SMCHD1: variants seen among roughly 807,000 people sequenced by gnomAD.
SMCHD1 encodes structural maintenance of chromosomes flexible hinge domain-containing protein 1.
In SMCHD1, 78 loss-of-function variants were observed where a neutral mutation model predicts 254.7. The ratio of observed to expected loss-of-function variants is 0.31; its 90% confidence interval spans 0.26 to 0.37. The LOEUF is 0.37. SMCHD1 is among the 10% of genes least tolerant of loss of function. The pLI, the probability that SMCHD1 is intolerant of heterozygous loss-of-function variation, is 1.00. For synonymous variants in SMCHD1, 766 were observed against 794.9 expected, an observed-to-expected ratio of 0.96 and a Z score of 0.61; for missense variants, 1,840 against 2,408.1, an observed-to-expected ratio of 0.76 and a Z score of 4.94.
At chr18:2,726,628 C>A in intron 22 of SMCHD1, 104 bp downstream of exon 22, 1 of 438,856 alleles carries the variant, frequency 2.3e-6, no homozygotes, top group Non-Finnish European at 3.9e-6. Flanking sequence ...TGGTGTAAAT[C>A]TTGAAAATAC....
At chr18:2,690,578 T>TC (rs150050957) in intron 7 of SMCHD1, among the ~76,000 whole-genome samples, 29,115 of 151,898 alleles carry the variant, frequency 0.19, 3,059 homozygotes, top group South Asian at 0.27. Context: ...TTGAAGCAAT[T>TC]CCCCTGCTTC....
chr18:2,699,150 T>C (rs2074345413), intron 10 of SMCHD1, among the ~76,000 whole-genome samples: 1 of 152,184 alleles, frequency 6.6e-6, no homozygotes, highest in Admixed American at 6.5e-5. Context: ...TTTGCCACTT[T>C]CTGTTGGACA....
In SMCHD1 at chr18:2,688,525, C is replaced by T. The variant is rs1224241223; in HGVS notation, c.753+17C>T. The T allele has an allele frequency of 6.2e-7, 1 of 1,603,794 alleles. No individual in the cohort carries two copies. The highest frequency in any genetic ancestry group is 8.5e-7 in the Non-Finnish European group (1 of 1,171,558). On this transcript the variant is annotated intron_variant, in intron 6 of 47. Transcript: ENST00000320876. Reference sequence around the variant, plus strand: ...TCAGCCAGAGTAAGTAAAAAGATTTCTTATAAATGAAAGTTGATCAAAATA... The same window carrying T: ...TCAGCCAGAGTAAGTAAAAAGATTTTTTATAAATGAAAGTTGATCAAAATA...
At chr18:2,746,793 T>C (rs572134996) in intron 29 of SMCHD1, among the ~76,000 whole-genome samples, 5 of 152,300 alleles carry the variant, frequency 3.3e-5, no homozygotes, top group African/African-American at 1.2e-4. Context: ...ACTTTTAAAA[T>C]GTTGGCCCAG....
At chr18:2,773,833 G>T (rs1042444621) in intron 41 of SMCHD1, among the ~76,000 whole-genome samples, 1 of 152,124 alleles carries the variant, frequency 6.6e-6, no homozygotes, top group Non-Finnish European at 1.5e-5. Flanking sequence ...TGAGGCAGAA[G>T]AATTGTTTGA....
intron 44 of SMCHD1, 129 bp downstream of exon 44, chr18:2,778,368 A>G (rs960573795): frequency 1.3e-5 from 8 of 623,736 alleles, no homozygotes; most frequent in East Asian, 8.6e-5. Flanking sequence ...GATAAGCAAC[A>G]TAAAAGTAGG....
chr18:2,754,080 T>A (rs757505377), intron 34 of SMCHD1, among the ~76,000 whole-genome samples: 32 of 152,204 alleles, frequency 2.1e-4, no homozygotes, highest in Non-Finnish European at 3.1e-4. Context: ...GATACAAGCC[T>A]TTTGTTTAGA....
At chr18:2,792,591 ATAGT>A (rs1164016514) in intron 45 of SMCHD1, among the ~76,000 whole-genome samples, 2 of 152,210 alleles carry the variant, frequency 1.3e-5, no homozygotes, top group Non-Finnish European at 2.9e-5. Context: ...ACTGTAATAC[ATAGT>A]TTGTAATCAT....
chr18:2,757,825 A>G (rs1367287342), intron 34 of SMCHD1, among the ~76,000 whole-genome samples: 2 of 152,278 alleles, frequency 1.3e-5, no homozygotes, highest in South Asian at 4.1e-4. Flanking sequence ...TAGTTTACAT[A>G]AGAGAACAAA....
At chr18:2,668,126 C>T (rs1234343706) in intron 3 of SMCHD1, among the ~76,000 whole-genome samples, 3 of 152,102 alleles carry the variant, frequency 2.0e-5, no homozygotes, top group African/African-American at 7.2e-5. Flanking sequence ...GTGATCCTCC[C>T]GCCTCGGCCT....
At chr18:2,730,569 A>G (rs117205680) in intron 24 of SMCHD1, among the ~76,000 whole-genome samples, 5,701 of 152,178 alleles carry the variant, frequency 0.037, 154 homozygotes, top group Non-Finnish European at 0.057. Flanking sequence ...GCTGTAAACA[A>G]TCTAAGGTTG....
intron 5 of SMCHD1, among the ~76,000 whole-genome samples, chr18:2,682,781 T>A (rs1285911292): frequency 6.6e-6 from 1 of 152,256 alleles, no homozygotes; most frequent in Non-Finnish European, 1.5e-5. Context: ...GGAGATTAAT[T>A]TCCTAATTCT....
rs1369545889 is a variant in SMCHD1 at position 2,802,994 on chromosome 18, G to A, written c.*442G>A. On this transcript the variant is annotated 3_prime_UTR_variant, in exon 48 of 48. Transcript: ENST00000320876. ...TTAACAAAGATGTTTTGTCTTTTGT[G>A]TAAGGGAGGTTCTAGAGGCTAGATG... 1 of 152,406 alleles carries A rather than the reference G, an allele frequency of 6.6e-6. No homozygotes were observed. The highest frequency in any genetic ancestry group is 1.9e-4 in the East Asian group (1 of 5,220). 9.4% of individuals were successfully genotyped at this position (152,406 alleles called of 1,614,324 possible). A position where few individuals can be genotyped will look rare whatever the true frequency, so the allele number is the denominator to read the frequency against.
chr18:2,752,520 T>A lies in SMCHD1; in HGVS notation c.4314T>A (p.Asp1438Glu), dbSNP rs1011114157. Reference protein sequence around the residue: ...AETFSCNKIKDNDKEDGCFYF... With the variant: ...AETFSCNKIKENDKEDGCFYF... ...CATTTAGTTGTAATAAAATAAAAGA[T>A]AATGACAAAGAAGATGGCTGCTTCT... Residue 1438 changes from aspartate to glutamate, a missense_variant, in exon 34 of 48, where the codon GAT (aspartate) becomes GAA (glutamate). This residue lies in a region of SMCHD1 where 881 missense variants were observed against 1,009.5 expected (regional missense o/e 0.87). Coordinates refer to ENST00000320876, the MANE Select transcript of SMCHD1 (RefSeq NM_015295.3). 1 of 1,598,132 alleles carries A rather than the reference T, an allele frequency of 6.3e-7. No individual in the cohort carries two copies. Among genetic ancestry groups the A allele is most frequent in the Non-Finnish European group, 8.6e-7 (1 of 1,166,154 alleles).
chr18:2,671,173 C>T (rs1419176989), intron 3 of SMCHD1, among the ~76,000 whole-genome samples: 3 of 151,836 alleles, frequency 2.0e-5, no homozygotes, highest in Non-Finnish European at 2.9e-5. Context: ...TGACTTCAGG[C>T]GATCTGCCCG....
At position 2,751,370 on chromosome 18, in the gene SMCHD1, A is replaced by T; in HGVS notation, c.4258A>T (p.Ser1420Cys). 6.4e-7 allele frequency: 1 copy of T among 1,573,910 alleles called. No homozygotes were observed. Among genetic ancestry groups the T allele is most frequent in the Admixed American group, 2.0e-5 (1 of 50,356 alleles). Residue 1420 changes from serine to cysteine, a missense_variant, in exon 33 of 48, where the codon AGT becomes TGT. Coordinates refer to ENST00000320876, the MANE Select transcript of SMCHD1 (RefSeq NM_015295.3). ...ISMKMWKLST[S>C]GNRPPANAET... ...CATGAAAATGTGGAAGCTGTCTACC[A>T]GTGGGAACCGACCCCCAGCAAATGT...
rs762833763 is a variant in SMCHD1 at position 2,769,790 on chromosome 18, C to A, written c.4816C>A (p.Pro1606Thr). ...RLPLLSRTLE[P>T]YILPFMFYND... ...ACCACTTTTATCAAGAACCTTAGAACCATATATCCTACCGTTCATGTTTTA... is the reference window on the plus strand; with the variant it reads ...ACCACTTTTATCAAGAACCTTAGAAACATATATCCTACCGTTCATGTTTTA... The change falls in exon 38 of 48, where the codon CCA becomes ACA. Residue 1606 changes from proline to threonine, a missense_variant. This residue lies in a region of SMCHD1 where 881 missense variants were observed against 1,009.5 expected (regional missense o/e 0.87). Coordinates refer to ENST00000320876, the MANE Select transcript of SMCHD1 (RefSeq NM_015295.3). 3.1e-6 allele frequency: 5 copies of A among 1,605,114 alleles called. 1 individual carries two copies. In the South Asian group the frequency reaches 3.3e-5, roughly 11 times the overall value.
At chr18:2,742,702 C>T (rs1259912042) in intron 28 of SMCHD1, among the ~76,000 whole-genome samples, 1 of 152,124 alleles carries the variant, frequency 6.6e-6, no homozygotes, top group Non-Finnish European at 1.5e-5. Context: ...AACAGGATCT[C>T]ACTCTTTTGC....
intron 35 of SMCHD1, among the ~76,000 whole-genome samples, chr18:2,761,248 C>G (rs1438851449): frequency 6.6e-6 from 1 of 152,060 alleles, no homozygotes; most frequent in Non-Finnish European, 1.5e-5. Context: ...ACAGTAAACG[C>G]TGGGGATTGC....
Sources: allele counts gnomAD v4.1 joint callset (sites outside exome capture counted in the v4.1 genomes callset), GRCh38; gene constraint gnomAD v4.1.1; regional missense constraint gnomAD v4.1.1; transcripts MANE v1.5; gene names NCBI Gene and HGNC (gene_info 2026-07-23, HGNC 2026-07-21).